DPYSL2: variants seen among roughly 807,000 people sequenced by gnomAD.
DPYSL2 encodes the protein dihydropyrimidinase-related protein 2.
A neutral mutation model predicts 69.9 loss-of-function variants in DPYSL2; 13 were observed. The observed-to-expected ratio is 0.19, with a 90% CI of 0.12 to 0.30. The LOEUF is 0.30. DPYSL2 is among the 10% of genes least tolerant of loss of function. DPYSL2 has a pLI of 1.00. For synonymous variants in DPYSL2, 326 were observed against 359.1 expected, an observed-to-expected ratio of 0.91 and a Z score of 1.04; for missense variants, 587 against 918.9, an observed-to-expected ratio of 0.64 and a Z score of 4.67.
intron 1 of DPYSL2, among the ~76,000 whole-genome samples, chr8:26,526,659 C>T (rs938085623): frequency 7.9e-5 from 12 of 152,200 alleles, no homozygotes; most frequent in Non-Finnish European, 1.3e-4. Context: ...GAAAGCGATG[C>T]TCTCTATCAT....
At chr8:26,523,299 T>C (rs1161315482) in intron 1 of DPYSL2, among the ~76,000 whole-genome samples, 1 of 152,128 alleles carries the variant, frequency 6.6e-6, no homozygotes, top group Admixed American at 6.5e-5. Flanking sequence ...ATGAGTTCAA[T>C]TAAAAAAATT....
chr8:26,573,836 CAA>C (rs145546482), intron 1 of DPYSL2, among the ~76,000 whole-genome samples: 45,672 of 81,444 alleles, frequency 0.56, 10,077 homozygotes, highest in East Asian at 0.8. Flanking sequence ...GACTCCACCT[CAA>C]AAAAAAAAAA....
At position 26,593,174 on chromosome 8, in the gene DPYSL2, G is replaced by T. The variant is rs897808064; in HGVS notation, c.628+9191G>T. 2.3e-4 allele frequency among the ~76,000 whole-genome samples: 35 copies of T among 152,172 alleles called. No individual in the cohort carries two copies. The highest frequency in any genetic ancestry group is 8.0e-4 in the African/African-American group (33 of 41,438). ...AATGACAGAGAGGATGTTGCTGGGG[G>T]TTGGGTCGCGGTGGCTGAGGCTGCT... On this transcript the variant is annotated intron_variant, in intron 3 of 13. Coordinates refer to ENST00000521913, the MANE Select transcript of DPYSL2 (RefSeq NM_001197293.3). This position sits in a 1 kb window ranked among gnomAD's most constrained non-coding sequence, Gnocchi z 5.7.
At chr8:26,552,939 A>G (rs1800893124) in intron 1 of DPYSL2, among the ~76,000 whole-genome samples, 1 of 152,208 alleles carries the variant, frequency 6.6e-6, no homozygotes, top group Non-Finnish European at 1.5e-5. Flanking sequence ...GAGAGAAGAC[A>G]CAAGTTACTA....
intron 3 of DPYSL2, among the ~76,000 whole-genome samples, chr8:26,596,672 A>T (rs1801868578): frequency 6.6e-6 from 1 of 152,250 alleles, no homozygotes; most frequent in Non-Finnish European, 1.5e-5. Flanking sequence ...GAAGATAGAT[A>T]GGCTTATCCT....
Position 26,586,056 on chromosome 8 carries a change from T to C in DPYSL2, c.628+2073T>C, listed in dbSNP as rs531516608. ...AGGCGGAGGTTGCAGGGAGCTGAGATTGCACCACTGCACTCTATCCTGAGC... is the reference window on the plus strand; with the variant it reads ...AGGCGGAGGTTGCAGGGAGCTGAGACTGCACCACTGCACTCTATCCTGAGC... On this transcript the variant is annotated intron_variant, in intron 3 of 13. Transcript: ENST00000521913. The surrounding 1 kb of genome is among the most constrained non-coding windows in gnomAD (Gnocchi z 4.7). Among the ~76,000 whole-genome samples, 7 of 152,226 alleles carry C rather than the reference T, an allele frequency of 4.6e-5. No individual in the cohort carries two copies. In the South Asian group the frequency reaches 1.5e-3, roughly 32 times the overall value.
rs967129072 is a variant in DPYSL2, at chr8:26,586,915, T to G, written c.628+2932T>G. 6.6e-6 allele frequency among the ~76,000 whole-genome samples: 1 copy of G among 152,202 alleles called. No homozygotes were observed. The highest frequency in any genetic ancestry group is 1.5e-5 in the Non-Finnish European group (1 of 68,040). ...AAAAGTCATCAGAGGGGGCAGTGTATGGTTAGCATTGTGACCCCCAAATGC... is the reference window on the plus strand; with the variant it reads ...AAAAGTCATCAGAGGGGGCAGTGTAGGGTTAGCATTGTGACCCCCAAATGC... On this transcript the variant is annotated intron_variant, in intron 3 of 13. Coordinates refer to ENST00000521913, the MANE Select transcript of DPYSL2 (RefSeq NM_001197293.3). The surrounding 1 kb of genome is among the most constrained non-coding windows in gnomAD (Gnocchi z 4.7).
chr8:26,632,370 G>A (rs1053186269), intron 7 of DPYSL2, among the ~76,000 whole-genome samples: 5 of 152,244 alleles, frequency 3.3e-5, no homozygotes, highest in African/African-American at 1.2e-4. Context: ...GAATTTGACA[G>A]TGGCTCTGAG....
intron 3 of DPYSL2, among the ~76,000 whole-genome samples, chr8:26,613,575 A>G (rs934147504): frequency 6.6e-6 from 1 of 152,172 alleles, no homozygotes; most frequent in African/African-American, 2.4e-5. Context: ...CCTGCTCCTT[A>G]TATCCATTGA....
chr8:26,613,572 C>T (rs1802284085), intron 3 of DPYSL2, among the ~76,000 whole-genome samples: 1 of 152,196 alleles, frequency 6.6e-6, no homozygotes, highest in Non-Finnish European at 1.5e-5. Context: ...GGTCCTGCTC[C>T]TTATATCCAT....
chr8:26,655,835 C>G lies in DPYSL2; in HGVS notation c.*129C>G, dbSNP rs1456705878. ...AGAGCCTGTGATAGTTACTGTGGAG[C>G]AGCCAGTTCATGGGGTCCCCCTTGG... On this transcript the variant is annotated 3_prime_UTR_variant, in exon 14 of 14. Transcript: ENST00000521913. 4.3e-6 allele frequency: 4 copies of G among 920,912 alleles called. No homozygotes were observed. In the East Asian group the frequency reaches 1.1e-4, roughly 25 times the overall value. 57.0% of individuals were successfully genotyped at this position (920,912 alleles called of 1,614,324 possible). A position where few individuals can be genotyped will look rare whatever the true frequency, so the allele number is the denominator to read the frequency against.
In DPYSL2 at chr8:26,617,367, C is replaced by T. The variant is rs1021091283; in HGVS notation, c.629-6776C>T. Reference sequence around the variant, plus strand: ...TAAAATTAGACAGTGTGGTGGCGCACGCCTGTGGTCCTAGCTATTTGGGAG... The same window carrying T: ...TAAAATTAGACAGTGTGGTGGCGCATGCCTGTGGTCCTAGCTATTTGGGAG... On this transcript the variant is annotated intron_variant, in intron 3 of 13. Coordinates refer to ENST00000521913, the MANE Select transcript of DPYSL2 (RefSeq NM_001197293.3). This position sits in a 1 kb window ranked among gnomAD's most constrained non-coding sequence, Gnocchi z 4.7. 7.9e-5 allele frequency among the ~76,000 whole-genome samples: 12 copies of T among 152,034 alleles called. No homozygotes were observed. The highest frequency in any genetic ancestry group is 2.1e-4 in the South Asian group (1 of 4,810).
chr8:26,589,881 C>G (rs1363607528), intron 3 of DPYSL2, among the ~76,000 whole-genome samples: 5 of 152,228 alleles, frequency 3.3e-5, no homozygotes, highest in East Asian at 1.9e-4. Context: ...AGCAGTCATT[C>G]CCCCAGTGCC....
rs1387601314 is a variant in DPYSL2, at chr8:26,591,123, A to G, written c.628+7140A>G. Among the ~76,000 whole-genome samples, 1 of 152,146 alleles carries G rather than the reference A, an allele frequency of 6.6e-6. No homozygotes were observed. The highest frequency in any genetic ancestry group is 1.5e-5 in the Non-Finnish European group (1 of 68,014). On this transcript the variant is annotated intron_variant, in intron 3 of 13. Transcript: ENST00000521913. This position sits in a 1 kb window ranked among gnomAD's most constrained non-coding sequence, Gnocchi z 5.8. ...CCACCCCTTCAGGTGCCCTCATCCC[A>G]GTTCCTACTCTGCCTATGGGTGTTT...
At chr8:26,604,125 A>G (rs1264595205) in intron 3 of DPYSL2, among the ~76,000 whole-genome samples, 2 of 152,366 alleles carry the variant, frequency 1.3e-5, no homozygotes, top group East Asian at 3.9e-4. Context: ...TGCCTGGCAC[A>G]TAATCAGTAT....
chr8:26,574,419 T>C (rs920896639), intron 1 of DPYSL2, among the ~76,000 whole-genome samples: 1 of 152,202 alleles, frequency 6.6e-6, no homozygotes, highest in African/African-American at 2.4e-5. Flanking sequence ...CACTCATGGA[T>C]CTGCTCAGGC....
In DPYSL2 at chr8:26,583,849, C is replaced by T; in HGVS notation, c.494C>T (p.Ala165Val). The change falls in exon 3 of 14, where the codon GCC becomes GTC. Residue 165 changes from alanine (A) to valine (V), a missense_variant. Physicochemically the swap from Ala to Val is moderately conservative, Grantham distance 64 (BLOSUM62 0). Coordinates refer to ENST00000521913, the MANE Select transcript of DPYSL2 (RefSeq NM_001197293.3). ...IVPGGVKTIEAHSRMVIPGGI... is the reference protein window; with the variant it reads ...IVPGGVKTIEVHSRMVIPGGI... ...CCAGGAGGAGTGAAGACCATCGAGG[C>T]CCACTCCCGGATGGTGATCCCCGGA... is the stretch of plus-strand genomic sequence containing the variant. 1 of 1,614,006 alleles carries T rather than the reference C, an allele frequency of 6.2e-7. No homozygotes were observed. Among genetic ancestry groups the T allele is most frequent in the Non-Finnish European group, 8.5e-7 (1 of 1,179,966 alleles).
intron 1 of DPYSL2, among the ~76,000 whole-genome samples, chr8:26,529,276 CATCTATCTATCT>C (rs1554531947): frequency 1.8e-4 from 25 of 136,390 alleles, no homozygotes; most frequent in Middle Eastern, 3.6e-3. Context: ...ATCTATCTAT[CATCTATCTATCT>C]ATCTATCTAT....
intron 11 of DPYSL2, among the ~76,000 whole-genome samples, chr8:26,649,969 C>T (rs1453951192): frequency 6.6e-6 from 1 of 151,974 alleles, no homozygotes; most frequent in Non-Finnish European, 1.5e-5. Context: ...CCCCAGAGGT[C>T]TTCTAGGTGC....
Sources: gnomAD v4.1 joint callset for allele counts (sites outside exome capture counted in the v4.1 genomes callset) on GRCh38, gnomAD v4.1.1 for gene constraint, Gnocchi (gnomAD v3.1) non-coding constraint, MANE v1.5 for transcripts, NCBI Gene and HGNC (gene_info 2026-07-23, HGNC 2026-07-21) for gene names.